MYT1L: variants seen among roughly 807,000 people sequenced by gnomAD.
The protein encoded by MYT1L is myelin transcription factor 1 like.
A neutral mutation model predicts 126.7 loss-of-function variants in MYT1L; 12 were observed. The observed-to-expected ratio is 0.09, with a 90% confidence interval of 0.06 to 0.15. The LOEUF (loss-of-function observed/expected upper bound fraction) is 0.15. Ranked by LOEUF, MYT1L falls within the 10% of genes least tolerant of loss-of-function variation. MYT1L has a pLI of 1.00. For missense variants in MYT1L, 979 were observed against 1,585.2 expected (o/e 0.62, Z 6.49); for synonymous variants, 541 against 604.2 (o/e 0.90, Z 1.53).
intron 3 of MYT1L, among the ~76,000 whole-genome samples, chr2:2,112,677 C>T (rs1264576994): frequency 1.3e-5 from 2 of 152,242 alleles, no homozygotes; most frequent in Non-Finnish European, 2.9e-5. Flanking sequence ...CTGATGACCC[C>T]GGACCACACT....
chr2:2,141,345 C>G (rs909178184), intron 3 of MYT1L, among the ~76,000 whole-genome samples: 2 of 152,128 alleles, frequency 1.3e-5, no homozygotes, highest in Non-Finnish European at 2.9e-5. Flanking sequence ...CATTTCAAGG[C>G]TGCTTAGGAG....
Position 1,839,244 on chromosome 2 carries a change from G to A in MYT1L, c.2985C>T (p.Phe995=), listed in dbSNP as rs888872136. The A allele has an allele frequency of 1.2e-6, 2 of 1,613,620 alleles. No homozygotes were observed. The highest frequency in any genetic ancestry group is 2.7e-5 in the African/African-American group (2 of 74,942). The change falls in exon 21 of 25, where the codon TTC becomes TTT. Residue 995 remains phenylalanine, a synonymous_variant. Coordinates refer to ENST00000647738, the MANE Select transcript of MYT1L (RefSeq NM_001303052.2). ...QKDGYLNGSQ[F]SWKSVKTEGM... is the part of the protein sequence containing the mutation. ...CTTCCGTCTTGACCGACTTCCAGGA[G>A]AACTGGGAGCCATTCAGGTACCCGT...
chr2:1,944,163 T>C (rs935615467), intron 8 of MYT1L, among the ~76,000 whole-genome samples: 2 of 152,154 alleles, frequency 1.3e-5, no homozygotes, highest in South Asian at 2.1e-4. Context: ...GCAGGTTTGT[T>C]ACATATGTAT....
chr2:2,152,597 A>G (rs765895344), intron 3 of MYT1L, among the ~76,000 whole-genome samples: 16 of 152,086 alleles, frequency 1.1e-4, no homozygotes, highest in Non-Finnish European at 2.2e-4. Flanking sequence ...TGTGCAGAGG[A>G]CAGAAAACAG....
chr2:2,162,395 A>G (rs1169051921), intron 3 of MYT1L, among the ~76,000 whole-genome samples: 1 of 152,028 alleles, frequency 6.6e-6, no homozygotes, highest in Non-Finnish European at 1.5e-5. Flanking sequence ...CGGTCCACAG[A>G]GAAGGAGGTC....
intron 2 of MYT1L, among the ~76,000 whole-genome samples, chr2:2,202,957 G>C (rs995927347): frequency 1.3e-5 from 2 of 151,914 alleles, no homozygotes; most frequent in Non-Finnish European, 2.9e-5. Context: ...GGGATGCAAG[G>C]CTGGTTCAAC....
intron 4 of MYT1L, among the ~76,000 whole-genome samples, chr2:2,041,845 C>T (rs976037402): frequency 1.3e-5 from 2 of 152,164 alleles, no homozygotes; most frequent in African/African-American, 4.8e-5. Flanking sequence ...ATATACAGAA[C>T]CTTTGAACTC....
intron 18 of MYT1L, among the ~76,000 whole-genome samples, chr2:1,874,137 ATTC>A (rs925904366): frequency 2.0e-5 from 3 of 151,784 alleles, no homozygotes; most frequent in Non-Finnish European, 2.9e-5. Flanking sequence ...GCAACCCAAT[ATTC>A]TTCTCCTTTC....
At chr2:1,963,074 T>C (rs2059089179) in intron 8 of MYT1L, among the ~76,000 whole-genome samples, 1 of 152,244 alleles carries the variant, frequency 6.6e-6, no homozygotes, top group Non-Finnish European at 1.5e-5. Flanking sequence ...ATATGTTTCT[T>C]AAATAATAAG....
Position 1,851,659 on chromosome 2 carries a change from T to C in MYT1L, c.2756A>G (p.Asn919Ser). ...TACATACCTCCGATGAGAAGCATAATTGCCGGTGATATGTCCAGAACCATC... is the reference window on the plus strand; with the variant it reads ...TACATACCTCCGATGAGAAGCATAACTGCCGGTGATATGTCCAGAACCATC... ...GCDGSGHITG[N>S]YASHRSLSGC... The change falls in exon 19 of 25, where the codon AAT becomes AGT. Residue 919 changes from asparagine to serine, a missense_variant. This residue lies in a region of MYT1L where 179 missense variants were observed against 398.6 expected (regional missense o/e 0.45). Transcript: ENST00000647738. 1.9e-6 allele frequency: 3 copies of C among 1,613,888 alleles called. No individual in the cohort carries two copies. Among genetic ancestry groups the C allele is most frequent in the Non-Finnish European group, 2.5e-6 (3 of 1,179,830 alleles).
At chr2:1,942,926 CT>C in intron 9 of MYT1L, 55 bp downstream of exon 9, 1 of 1,481,790 alleles carries the variant, frequency 6.7e-7, no homozygotes, top group South Asian at 1.4e-5. Flanking sequence ...GGCAATTCAC[CT>C]TGAACAGTGG....
intron 2 of MYT1L, among the ~76,000 whole-genome samples, chr2:2,225,117 T>G (rs1356728101): frequency 6.6e-6 from 1 of 151,994 alleles, no homozygotes; most frequent in East Asian, 1.9e-4. Context: ...GGTTTTTTTT[T>G]TTTCTCAGTC....
At chr2:2,262,458 C>T (rs916539042) in intron 2 of MYT1L, among the ~76,000 whole-genome samples, 2 of 151,766 alleles carry the variant, frequency 1.3e-5, no homozygotes, top group African/African-American at 4.8e-5. Flanking sequence ...TTTGGGAGGC[C>T]GAGGCAGGCG....
chr2:1,876,723 C>T (rs571740090), intron 18 of MYT1L, among the ~76,000 whole-genome samples: 2 of 152,304 alleles, frequency 1.3e-5, no homozygotes, highest in South Asian at 2.1e-4. Context: ...TGCAAGACAT[C>T]GGGGAGATTT....
At chr2:2,248,904 C>T (rs2094583878) in intron 2 of MYT1L, among the ~76,000 whole-genome samples, 2 of 152,088 alleles carry the variant, frequency 1.3e-5, no homozygotes, top group Non-Finnish European at 2.9e-5. Flanking sequence ...GACAGACTCA[C>T]AGCTAGTATC....
At chr2:1,866,532 GGA>G (rs1462241684) in intron 18 of MYT1L, among the ~76,000 whole-genome samples, 3 of 137,950 alleles carry the variant, frequency 2.2e-5, no homozygotes, top group African/African-American at 8.2e-5. Flanking sequence ...AGAGTTGGGA[GGA>G]GAGAGAGAGG....
intron 8 of MYT1L, among the ~76,000 whole-genome samples, chr2:1,959,322 C>T (rs1003423213): frequency 2.0e-5 from 3 of 152,270 alleles, no homozygotes; most frequent in East Asian, 1.9e-4. Context: ...CTCAGACCGT[C>T]TGGATGTGAA....
intron 14 of MYT1L, among the ~76,000 whole-genome samples, chr2:1,894,045 A>G (rs1028722154): frequency 6.6e-6 from 1 of 152,250 alleles, no homozygotes; most frequent in South Asian, 2.1e-4. Context: ...CATGAGCCAG[A>G]GGCTCAAATC....
At position 1,920,172 on chromosome 2, in the gene MYT1L, A is replaced by G. The variant is rs534744751; in HGVS notation, c.1483+2114T>C. Among the ~76,000 whole-genome samples, 121 of 152,328 alleles carry G rather than the reference A, an allele frequency of 7.9e-4. 2 individuals carry two copies. The South Asian group carries it at 0.024, about 31-fold the overall frequency. Reference sequence around the variant, plus strand: ...GGAGTCAAGGCCTTCTGCTTACAGGAAAGTCCAAATCTGCAACCTTTCCTC... The same window carrying G: ...GGAGTCAAGGCCTTCTGCTTACAGGGAAGTCCAAATCTGCAACCTTTCCTC... On this transcript the variant is annotated intron_variant, in intron 10 of 24. Coordinates refer to ENST00000647738, the MANE Select transcript of MYT1L (RefSeq NM_001303052.2).
Sources: gnomAD v4.1 joint callset for allele counts (sites outside exome capture counted in the v4.1 genomes callset) on GRCh38, gnomAD v4.1.1 for gene constraint, gnomAD v4.1.1 regional missense constraint, MANE v1.5 for transcripts, NCBI Gene and HGNC (gene_info 2026-07-23, HGNC 2026-07-21) for gene names.